The following MAP4K3 variants were observed in gnomAD, a reference collection of about 807,000 sequenced individuals.
MAP4K3 encodes MAPK/ERK kinase kinase kinase 3.
A neutral mutation model predicts 143.5 loss-of-function variants in MAP4K3; 94 were observed. That is an observed-to-expected ratio of 0.65 (90% CI 0.55 to 0.78). The LOEUF (loss-of-function observed/expected upper bound fraction) is 0.78. Ranked by LOEUF, MAP4K3 falls within the 30% of genes least tolerant of loss-of-function variation. The pLI is 0.00. For synonymous variants in MAP4K3, 416 were observed against 347.2 expected (o/e 1.20, Z -2.20); for missense variants, 1,077 against 1,068.1 (o/e 1.01, Z -0.12).
intron 2 of MAP4K3, among the ~76,000 whole-genome samples, chr2:39,375,124 T>C (rs890091061): frequency 1.3e-5 from 2 of 152,130 alleles, no homozygotes; most frequent in African/African-American, 4.8e-5. Context: ...CTGGGTGTCA[T>C]GTCATACGCC....
chr2:39,367,153 T>A (rs1287093975), intron 2 of MAP4K3, among the ~76,000 whole-genome samples: 1 of 152,246 alleles, frequency 6.6e-6, no homozygotes. Context: ...ATGTTTAAGA[T>A]AAGTATCACT....
In MAP4K3 at chr2:39,351,358, GATTCCCC is replaced by G. The variant is rs1451427619; in HGVS notation, c.245+4884_245+4890del. Among the ~76,000 whole-genome samples the G allele has an allele frequency of 3.3e-5, 5 of 152,274 alleles. No individual in the cohort carries two copies. The South Asian group carries it at 1.0e-3, about 32-fold the overall frequency. On this transcript the variant is annotated intron_variant, in intron 3 of 33. Coordinates refer to ENST00000263881, the MANE Select transcript of MAP4K3 (RefSeq NM_003618.4). ...TTACATCATTCACAGAGCTTTCTCTGATTCCCCTACATTGACAAAAATCAGAGAGTCT... is the reference window on the plus strand; with the variant it reads ...TTACATCATTCACAGAGCTTTCTCTGTACATTGACAAAAATCAGAGAGTCT...
intron 32 of MAP4K3, among the ~76,000 whole-genome samples, chr2:39,252,769 A>T (rs1680200144): frequency 6.6e-6 from 1 of 152,160 alleles, no homozygotes; most frequent in South Asian, 2.1e-4. Context: ...AACACTAATG[A>T]CTCTTAGCTT....
chr2:39,338,323 G>C (rs1261672784), intron 4 of MAP4K3, among the ~76,000 whole-genome samples: 1 of 152,084 alleles, frequency 6.6e-6, no homozygotes, highest in African/African-American at 2.4e-5. Flanking sequence ...ATTATGACTA[G>C]TTTTAAATCA....
rs1487731274 is a variant in MAP4K3, at chr2:39,280,261, C to T, written c.1714+11G>A. 1 of 1,462,916 alleles carries T rather than the reference C, an allele frequency of 6.8e-7. No homozygotes were observed. The highest frequency in any genetic ancestry group is 9.2e-7 in the Non-Finnish European group (1 of 1,083,570). The allele number at this position is 1,462,916 out of a possible 1,614,324, so 90.6% of individuals were successfully genotyped here. A position where few individuals can be genotyped will look rare whatever the true frequency, so the allele number is the denominator to read the frequency against. ...ATTAGGAAGATAACAGATAAAAACA[C>T]ACAATACTACCTCTTGTATCTGGGT... On this transcript the variant is annotated intron_variant, in intron 23 of 33. Transcript: ENST00000263881.
intron 18 of MAP4K3, among the ~76,000 whole-genome samples, chr2:39,291,611 C>T (rs1356403139): frequency 1.3e-5 from 2 of 152,264 alleles, no homozygotes; most frequent in East Asian, 1.9e-4. Context: ...AGAGGCTGGT[C>T]ACAGTGGCTC....
intron 3 of MAP4K3, among the ~76,000 whole-genome samples, chr2:39,347,261 A>G (rs1222382350): frequency 6.6e-6 from 1 of 152,232 alleles, no homozygotes; most frequent in African/African-American, 2.4e-5. Context: ...AATTCATATA[A>G]AACAAAAGCT....
chr2:39,311,151 C>T (rs1211610765), intron 13 of MAP4K3, among the ~76,000 whole-genome samples: 1 of 152,130 alleles, frequency 6.6e-6, no homozygotes, highest in Non-Finnish European at 1.5e-5. Context: ...GATCTCAGCT[C>T]ACTGCAACCT....
intron 6 of MAP4K3, among the ~76,000 whole-genome samples, chr2:39,335,548 G>A (rs937556645): frequency 1.3e-5 from 2 of 152,122 alleles, no homozygotes; most frequent in Admixed American, 6.6e-5. Flanking sequence ...CAGTTTTTAT[G>A]TTCTCTAAAA....
chr2:39,437,107 G>A lies in MAP4K3; in HGVS notation c.-120C>T, dbSNP rs912292590. ...GCTCCCCCGGCGGTCACAATCACCC[G>A]GCTCCACGCTGCGGCCGCCGCCGCC... On this transcript the variant is annotated 5_prime_UTR_variant, in exon 1 of 34. Coordinates refer to ENST00000263881, the MANE Select transcript of MAP4K3 (RefSeq NM_003618.4). The A allele has an allele frequency of 1.6e-5, 10 of 617,296 alleles. No individual in the cohort carries two copies. Among genetic ancestry groups the A allele is most frequent in the Non-Finnish European group, 2.5e-5 (10 of 395,700 alleles). 38.2% of individuals were successfully genotyped at this position (617,296 alleles called of 1,614,324 possible). A position where few individuals can be genotyped will look rare whatever the true frequency, so the allele number is the denominator to read the frequency against.
intron 24 of MAP4K3, among the ~76,000 whole-genome samples, chr2:39,273,202 T>A (rs914683473): frequency 4.6e-5 from 7 of 152,004 alleles, no homozygotes; most frequent in Non-Finnish European, 8.8e-5. Context: ...TAAAAAAAAA[T>A]ACTCTCATTA....
intron 1 of MAP4K3, among the ~76,000 whole-genome samples, chr2:39,380,197 T>C (rs1311124130): frequency 6.6e-6 from 1 of 152,168 alleles, no homozygotes; most frequent in African/African-American, 2.4e-5. Flanking sequence ...ATATGTAATT[T>C]ATTTGGCAGT....
At chr2:39,383,621 ATTAAT>A (rs1666410825) in intron 1 of MAP4K3, among the ~76,000 whole-genome samples, 2 of 152,004 alleles carry the variant, frequency 1.3e-5, no homozygotes, top group Admixed American at 1.3e-4. Context: ...CGGTAGAATT[ATTAAT>A]AATTCTACCA....
chr2:39,333,567 T>C lies in MAP4K3; in HGVS notation c.422A>G (p.Asn141Ser), dbSNP rs1429948730. Reference sequence around the variant, plus strand: ...ATGACCATTATCCGTTAATAGAATGTTAGCTCCCTTCAAAGTAACAATATT... The same window carrying C: ...ATGACCATTATCCGTTAATAGAATGCTAGCTCCCTTCAAAGTAACAATATT... The part of the protein sequence containing the change: ...GKMHRDIKGA[N>S]ILLTDNGHVK... The change falls in exon 7 of 34, where the codon AAC (asparagine) becomes AGC (serine). Residue 141 changes from asparagine to serine, a missense_variant. Asn to Ser is a conservative substitution (Grantham distance 46). Around this residue, in one of 2 missense-constraint regions of MAP4K3, gnomAD observed 213 missense variants for 266.8 expected, o/e 0.80. Transcript: ENST00000263881. 6.2e-7 allele frequency: 1 copy of C among 1,600,944 alleles called. No homozygotes were observed. The highest frequency in any genetic ancestry group is 1.3e-5 in the African/African-American group (1 of 74,750).
chr2:39,348,575 T>A (rs1179997097), intron 3 of MAP4K3, among the ~76,000 whole-genome samples: 1 of 152,156 alleles, frequency 6.6e-6, no homozygotes, highest in Admixed American at 6.6e-5. Flanking sequence ...AGGACTTCAG[T>A]CAATCAGCCC....
At chr2:39,403,032 A>G (rs1168553879) in intron 1 of MAP4K3, among the ~76,000 whole-genome samples, 3 of 152,220 alleles carry the variant, frequency 2.0e-5, no homozygotes, top group Non-Finnish European at 4.4e-5. Context: ...TATTTCTAAA[A>G]GAAACTCAAT....
chr2:39,344,021 GTCAT>G (rs1392881324), intron 3 of MAP4K3, among the ~76,000 whole-genome samples: 5 of 152,120 alleles, frequency 3.3e-5, no homozygotes, highest in East Asian at 1.9e-4. Flanking sequence ...CCTTTGTTCA[GTCAT>G]TCATTATTTA....
chr2:39,377,098 A>G (rs951537038), intron 2 of MAP4K3, among the ~76,000 whole-genome samples: 1 of 151,830 alleles, frequency 6.6e-6, no homozygotes, highest in Admixed American at 6.6e-5. Context: ...TAAAAAGTTT[A>G]TTGATGCTCT....
At chr2:39,350,731 G>A (rs1170707260) in intron 3 of MAP4K3, among the ~76,000 whole-genome samples, 1 of 152,030 alleles carries the variant, frequency 6.6e-6, no homozygotes, top group Admixed American at 6.6e-5. Flanking sequence ...CTCCACCCTA[G>A]GTCCATCCTC....
Sources: gnomAD v4.1 joint callset for allele counts (sites outside exome capture counted in the v4.1 genomes callset) on GRCh38, gnomAD v4.1.1 for gene constraint, gnomAD v4.1.1 regional missense constraint, MANE v1.5 for transcripts, NCBI Gene and HGNC (gene_info 2026-07-23, HGNC 2026-07-21) for gene names.